Variants in COLQ observed in about 807,000 individuals in gnomAD.
The protein encoded by COLQ is collagen like tail subunit of asymmetric acetylcholinesterase, also known as acetylcholinesterase collagenic tail peptide.
COLQ carries 48 observed loss-of-function variants against 69.0 expected under a neutral mutation model. The ratio of observed to expected loss-of-function variants is 0.70; its 90% CI spans 0.55 to 0.88. The LOEUF (loss-of-function observed/expected upper bound fraction) is 0.88. Among genes scored for constraint, COLQ ranks in the 40% least tolerant of loss-of-function variants. The probability of loss-of-function intolerance (pLI) is 0.00; values close to 1 mark genes in which losing one functional copy is unlikely to be tolerated. For synonymous variants in COLQ, 217 were observed against 211.2 expected, an observed-to-expected ratio of 1.03 and a Z score of -0.24; for missense variants, 618 against 594.6, an observed-to-expected ratio of 1.04 and a Z score of -0.41.
At chr3:15,489,461 G>A (rs1161832273) in intron 2 of COLQ, 64 bp downstream of exon 2, 6 of 1,468,588 alleles carry the variant, frequency 4.1e-6, no homozygotes, top group Non-Finnish European at 5.7e-6. Flanking sequence ...AGGCAGGTGG[G>A]GCTGCGTGGT....
chr3:15,513,778 T>C (rs984666056), intron 1 of COLQ, among the ~76,000 whole-genome samples: 2 of 152,224 alleles, frequency 1.3e-5, no homozygotes, highest in Non-Finnish European at 2.9e-5. Context: ...TCTGTTTACC[T>C]AGTGGAAAAA....
intron 1 of COLQ, among the ~76,000 whole-genome samples, chr3:15,495,989 C>T (rs1211702155): frequency 6.6e-6 from 1 of 152,206 alleles, no homozygotes; most frequent in Non-Finnish European, 1.5e-5. Context: ...GGCAGGCCCA[C>T]ACTGCTAATA....
At chr3:15,505,470 A>T (rs1373903375) in intron 1 of COLQ, among the ~76,000 whole-genome samples, 1 of 152,190 alleles carries the variant, frequency 6.6e-6, no homozygotes, top group Non-Finnish European at 1.5e-5. Context: ...ATTATTTTGG[A>T]CCTTATCTAA....
chr3:15,499,716 G>A (rs1233492702), intron 1 of COLQ, among the ~76,000 whole-genome samples: 1 of 152,208 alleles, frequency 6.6e-6, no homozygotes, highest in Non-Finnish European at 1.5e-5. Context: ...ATAATGACTA[G>A]ACACAGTTCC....
intron 3 of COLQ, among the ~76,000 whole-genome samples, chr3:15,483,003 T>C (rs1184659665): frequency 6.6e-6 from 1 of 152,174 alleles, no homozygotes; most frequent in East Asian, 1.9e-4. Flanking sequence ...TGTGTAGAGG[T>C]GTTTATAGTG....
In COLQ at chr3:15,456,835, G is replaced by T. The variant is rs2174266; in HGVS notation, c.955-256C>A. 0.3 allele frequency among the ~76,000 whole-genome samples: 20,994 copies of T among 68,908 alleles called. 3,499 individuals carry two copies. The highest frequency in any genetic ancestry group is 0.56 in the African/African-American group (16,467 of 29,460). 45.2% of individuals were successfully genotyped at this position (68,908 alleles called of 152,430 possible). ...TAACTTTTTTTTCTTTTTTTCTTTT[G>T]TTTTTGAGATGGAGTCTCACGCGGT... is the stretch of plus-strand genomic sequence containing the variant. On this transcript the variant is annotated intron_variant, in intron 13 of 16. Transcript: ENST00000383788.
rs2063140051 is a variant in COLQ at position 15,521,661 on chromosome 3, G to C, written c.-36C>G. 1 of 1,613,616 alleles carries C rather than the reference G, an allele frequency of 6.2e-7. No individual in the cohort carries two copies. The highest frequency in any genetic ancestry group is 8.5e-7 in the Non-Finnish European group (1 of 1,179,872). ...GTCTGGCGAGGGTCAAGTTAGAAAG[G>C]AGGCTGCTGCGGAGCCTTGCTTATC... On this transcript the variant is annotated 5_prime_UTR_variant, in exon 1 of 17. Transcript: ENST00000383788.
At chr3:15,498,895 T>C in intron 1 of COLQ, 2 of 1,322,008 alleles carry the variant, frequency 1.5e-6, no homozygotes, top group Non-Finnish European at 1.9e-6. Flanking sequence ...CCAGGGATAC[T>C]TATCCCCCTG....
In COLQ at chr3:15,469,005, G is replaced by C. The variant is rs145337506; in HGVS notation, c.717+1531C>G. Among the ~76,000 whole-genome samples the C allele has an allele frequency of 2.4e-3, 358 of 152,284 alleles. 8 individuals carry two copies. Among genetic ancestry groups the C allele is most frequent in the South Asian group, 1.9e-3 (9 of 4,818 alleles). On this transcript the variant is annotated intron_variant, in intron 11 of 16. Transcript: ENST00000383788. ...TGGCCAACAAACAAAGAGTATGTAA[G>C]ACTATGCTGGGAGATTAATTCATGA...
chr3:15,463,353 TTTG>T (rs1341188959), intron 12 of COLQ, among the ~76,000 whole-genome samples: 1 of 151,570 alleles, frequency 6.6e-6, no homozygotes, highest in African/African-American at 2.4e-5. Context: ...TTTTTTGTTT[TTTG>T]TTTTTTTTGA....
chr3:15,489,413 C>T, intron 2 of COLQ, 112 bp downstream of exon 2: 1 of 990,770 alleles, frequency 1.0e-6, no homozygotes, highest in Non-Finnish European at 1.6e-6. Context: ...TTGAGGCTCT[C>T]AGAAAAGATT....
At chr3:15,494,454 C>A (rs570067416) in intron 1 of COLQ, among the ~76,000 whole-genome samples, 72 of 152,318 alleles carry the variant, frequency 4.7e-4, no homozygotes, top group African/African-American at 1.7e-3. Context: ...AGAAAAGTCA[C>A]AGCAGGCACT....
intron 1 of COLQ, chr3:15,506,900 C>T (rs919529319): frequency 6.6e-6 from 1 of 152,248 alleles, no homozygotes; most frequent in African/African-American, 2.4e-5. Context: ...CACCAGTGCA[C>T]CAGGCTTTTC....
intron 3 of COLQ, among the ~76,000 whole-genome samples, chr3:15,482,769 C>T (rs1340155066): frequency 4.6e-5 from 7 of 152,132 alleles, no homozygotes; most frequent in Non-Finnish European, 1.0e-4. Context: ...TGATTGGAAT[C>T]GTTTCAGAAA....
chr3:15,451,519 G>C lies in COLQ; in HGVS notation c.*125C>G, dbSNP rs1416152387. On this transcript the variant is annotated 3_prime_UTR_variant, in exon 17 of 17. Transcript: ENST00000383788. ...AGTTAACAGCATGTCTTAGTAGCAG[G>C]AATTTGTCCTTGTTTTTGTCACACA... 1.0e-5 allele frequency: 9 copies of C among 887,488 alleles called. No individual in the cohort carries two copies. Among genetic ancestry groups the C allele is most frequent in the Non-Finnish European group, 1.9e-6 (1 of 517,402 alleles). The allele number at this position is 887,488 out of a possible 1,614,324, so 55.0% of individuals were successfully genotyped here.
At chr3:15,521,421 T>G in intron 1 of COLQ, 99 bp downstream of exon 1, 2 of 1,509,932 alleles carry the variant, frequency 1.3e-6, no homozygotes, top group East Asian at 2.4e-5. Flanking sequence ...CCACCAACAG[T>G]TGAATGGCAA....
chr3:15,478,840 G>T, intron 5 of COLQ, 137 bp downstream of exon 5: 1 of 1,042,534 alleles, frequency 9.6e-7, no homozygotes, highest in South Asian at 1.3e-5. Flanking sequence ...TCACCATCGA[G>T]ACAGCAGCAC....
chr3:15,452,966 T>C (rs990591449), intron 16 of COLQ, among the ~76,000 whole-genome samples: 5 of 152,186 alleles, frequency 3.3e-5, no homozygotes, highest in Non-Finnish European at 5.9e-5. Context: ...CTGAAGGGAC[T>C]GGACTCAAGG....
chr3:15,509,213 G>C (rs1268963575), intron 1 of COLQ, among the ~76,000 whole-genome samples: 1 of 152,178 alleles, frequency 6.6e-6, no homozygotes, highest in African/African-American at 2.4e-5. Context: ...TGACTGCCCA[G>C]GAGGACCTGC....
Sources: gnomAD v4.1 joint callset for allele counts (sites outside exome capture counted in the v4.1 genomes callset) on GRCh38, gnomAD v4.1.1 for gene constraint, MANE v1.5 for transcripts, NCBI Gene and HGNC (gene_info 2026-07-23, HGNC 2026-07-21) for gene names.